ACHE: variants seen among roughly 807,000 people sequenced by gnomAD.
ACHE encodes acetylcholinesterase.
Under a neutral mutation model 53.9 loss-of-function variants are expected in ACHE, and 19 were observed. The observed-to-expected ratio is 0.35, with a 90% CI of 0.25 to 0.52. The LOEUF is 0.52. ACHE is among the 20% of genes least tolerant of loss of function. The pLI is 0.95. For missense variants in ACHE, 605 were observed against 849.4 expected, an observed-to-expected ratio of 0.71 and a Z score of 3.58; for synonymous variants, 392 against 378.1, an observed-to-expected ratio of 1.04 and a Z score of -0.43.
chr7:100,891,479 G>A (rs1034997284), intron 3 of ACHE, 141 bp from the exon 4 acceptor site: 1 of 798,184 alleles, frequency 1.3e-6, no homozygotes, highest in Non-Finnish European at 1.8e-6. Flanking sequence ...TCCAATGTGC[G>A]CGGTCATTGG....
intron 4 of ACHE, 185 bp from the exon 5 acceptor site, chr7:100,890,520 G>A (rs1024272381): frequency 4.2e-6 from 6 of 1,427,548 alleles, no homozygotes; most frequent in African/African-American, 1.4e-5. Flanking sequence ...GGGAGGATGA[G>A]GGCAGAGGCG....
chr7:100,894,087 C>A lies in ACHE; in HGVS notation c.146G>T (p.Arg49Leu). The A allele has an allele frequency of 6.5e-7, 1 of 1,531,754 alleles. No homozygotes were observed. Among genetic ancestry groups the A allele is most frequent in the Non-Finnish European group, 8.8e-7 (1 of 1,140,430 alleles). 94.9% of individuals were successfully genotyped at this position (1,531,754 alleles called of 1,614,324 possible). The change falls in exon 2 of 5, where the codon CGG (arginine) becomes CTG (leucine). Residue 49 changes from arginine (R) to leucine (L), a missense_variant. Arg to Leu is a moderately radical substitution (Grantham distance 102, BLOSUM62 -2). This residue lies in a region of ACHE where 89 missense variants were observed against 78.9 expected (regional missense o/e 1.13). Transcript: ENST00000241069. ...LLVTVRGGRL[R>L]GIRLKTPGGP... Reference sequence around the variant, plus strand: ...CCCGGGGGTCTTCAGGCGAATGCCCCGCAGCCGGCCCCCACGCACCGTCAC... The same window carrying A: ...CCCGGGGGTCTTCAGGCGAATGCCCAGCAGCCGGCCCCCACGCACCGTCAC...
In ACHE at chr7:100,892,299, T is replaced by C. The variant is rs758779224; in HGVS notation, c.1553+35A>G. 1 of 1,480,726 alleles carries C rather than the reference T, an allele frequency of 6.8e-7. No individual in the cohort carries two copies. The highest frequency in any genetic ancestry group is 9.0e-7 in the Non-Finnish European group (1 of 1,111,582). 91.7% of individuals were successfully genotyped at this position (1,480,726 alleles called of 1,614,324 possible). ...TGTGTCCTCCCGCCCCCGACTCCTG[T>C]CCTCCCCAGCCTTCTCTCCCTCTGC... On this transcript the variant is annotated intron_variant, in intron 3 of 4. Transcript: ENST00000241069. This position sits in a 1 kb window ranked among gnomAD's most constrained non-coding sequence, Gnocchi z 5.2.
intron 3 of ACHE, 134 bp from the exon 4 acceptor site, chr7:100,891,472 A>C: frequency 2.3e-6 from 2 of 864,986 alleles, no homozygotes; most frequent in Admixed American, 3.7e-5. Context: ...CACTTTCTCC[A>C]ATGTGCGCGG....
Position 100,893,705 on chromosome 7 carries a change from C to T in ACHE, c.528G>A (p.Val176=). 6 of 1,613,508 alleles carry T rather than the reference C, an allele frequency of 3.7e-6. No individual in the cohort carries two copies. The highest frequency in any genetic ancestry group is 5.1e-6 in the Non-Finnish European group (6 of 1,180,022). The stretch of plus-strand genomic sequence containing the variant: ...CCACCCGGTAGTTCATGGACACCAG[C>T]ACAGTCCTCTCGGCCTGTACCAAGA... ...GRFLVQAERT[V]LVSMNYRVGA... Residue 176 remains valine (V), a synonymous_variant, in exon 2 of 5, where the codon GTG becomes GTA. Coordinates refer to ENST00000241069, the MANE Select transcript of ACHE (RefSeq NM_000665.5).
chr7:100,892,516 G>A lies in ACHE; in HGVS notation c.1371C>T (p.Tyr457=), dbSNP rs774542226. The change falls in exon 3 of 5, where the codon TAC becomes TAT. Residue 457 remains tyrosine, a synonymous_variant. Transcript: ENST00000241069. This position sits in a 1 kb window ranked among gnomAD's most constrained non-coding sequence, Gnocchi z 5.2. The part of the protein sequence containing the change: ...GRLAAQGARV[Y]AYVFEHRAST... The stretch of plus-strand genomic sequence containing the variant: ...AAGCACGGTGTTCAAAGACGTAGGC[G>A]TAGACCCGGGCACCCTGGGCAGCCA... 28 of 1,605,106 alleles carry A rather than the reference G, an allele frequency of 1.7e-5. No homozygotes were observed. The highest frequency in any genetic ancestry group is 1.2e-4 in the African/African-American group (9 of 74,638).
chr7:100,892,579 G>T lies in ACHE; in HGVS notation c.1308C>A (p.His436Gln). Residue 436 changes from histidine (H) to glutamine (Q), a missense_variant, in exon 3 of 5, where the codon CAC becomes CAA. Coordinates refer to ENST00000241069, the MANE Select transcript of ACHE (RefSeq NM_000665.5). This position sits in a 1 kb window ranked among gnomAD's most constrained non-coding sequence, Gnocchi z 5.2. ...REALSDVVGD[H>Q]NVVCPVAQLA... ...GCTGGGCCACGGGGCACACGACATT[G>T]TGGTCGCCCACCACATCGCTCAGGG... 3 of 1,613,306 alleles carry T rather than the reference G, an allele frequency of 1.9e-6. No homozygotes were observed. Among genetic ancestry groups the T allele is most frequent in the Non-Finnish European group, 2.5e-6 (3 of 1,179,864 alleles).
At chr7:100,893,051 C>A in intron 2 of ACHE, 114 bp downstream of exon 2, 1 of 1,309,928 alleles carries the variant, frequency 7.6e-7, no homozygotes. Context: ...GGGAGGACTT[C>A]TGGGACTTCT....
intron 1 of ACHE, among the ~76,000 whole-genome samples, chr7:100,895,006 G>A (rs1430634418): frequency 6.6e-6 from 1 of 152,098 alleles, no homozygotes; most frequent in African/African-American, 2.4e-5. Context: ...TCCCCGCCCC[G>A]AGCCAGGAGC....
rs1359240864 is a variant in ACHE, at chr7:100,893,829, G to T, written c.404C>A (p.Pro135Gln). The change falls in exon 2 of 5, where the codon CCA (proline) becomes CAA (glutamine). Residue 135 changes from proline to glutamine, a missense_variant. Physicochemically the swap from Pro to Gln is moderately conservative, Grantham distance 76. Transcript: ENST00000241069. ...GGTGGGGGATGTAGGCCGGGGGTAT[G>T]GTGTCCACACGTTGAGGTACAGGCA... Reference protein sequence around the residue: ...EDCLYLNVWTPYPRPTSPTPV... With the variant: ...EDCLYLNVWTQYPRPTSPTPV... 1 of 1,612,920 alleles carries T rather than the reference G, an allele frequency of 6.2e-7. No homozygotes were observed. The highest frequency in any genetic ancestry group is 8.5e-7 in the Non-Finnish European group (1 of 1,179,524).
At position 100,892,886 on chromosome 7, in the gene ACHE, T is replaced by C. The variant is rs1790786527; in HGVS notation, c.1069-68A>G. On this transcript the variant is annotated intron_variant, in intron 2 of 4. Coordinates refer to ENST00000241069, the MANE Select transcript of ACHE (RefSeq NM_000665.5). The surrounding 1 kb of genome is among the most constrained non-coding windows in gnomAD (Gnocchi z 5.2). The stretch of plus-strand genomic sequence containing the variant: ...AGACAGACAAGTAGACAGAAACAGA[T>C]GGACAGACAAAGAGCCAGAGAGATG... 6.8e-7 allele frequency: 1 copy of C among 1,472,950 alleles called. No homozygotes were observed. The highest frequency in any genetic ancestry group is 9.0e-7 in the Non-Finnish European group (1 of 1,110,954). 91.2% of individuals were successfully genotyped at this position (1,472,950 alleles called of 1,614,324 possible). A position where few individuals can be genotyped will look rare whatever the true frequency, so the allele number is the denominator to read the frequency against.
intron 4 of ACHE, 59 bp downstream of exon 4, chr7:100,891,110 T>C (rs550669871): frequency 6.4e-7 from 1 of 1,557,438 alleles, no homozygotes; most frequent in South Asian, 1.2e-5. Flanking sequence ...AGAGAGGGGT[T>C]ACACCTGGCG....
At chr7:100,890,522 G>A in intron 4 of ACHE, 187 bp from the exon 5 acceptor site, 1 of 1,427,734 alleles carries the variant, frequency 7.0e-7, no homozygotes, top group Non-Finnish European at 9.2e-7. Context: ...GAGGATGAGG[G>A]CAGAGGCGGG....
At position 100,893,738 on chromosome 7, in the gene ACHE, A is replaced by G. The variant is rs1439438645; in HGVS notation, c.495T>C (p.Asp165=). Residue 165 remains aspartate (D), a synonymous_variant, in exon 2 of 5, where the codon GAT becomes GAC. Transcript: ENST00000241069. ...YSGASSLDVY[D]GRFLVQAERT... ...TCTCGGCCTGTACCAAGAAGCGGCC[A>G]TCGTACACGTCCAAGGAGGAGGCCC... The G allele has an allele frequency of 2.5e-6, 4 of 1,613,682 alleles. No individual in the cohort carries two copies. In the South Asian group the frequency reaches 3.3e-5, roughly 13 times the overall value.
At chr7:100,890,473 G>A in intron 4 of ACHE, 138 bp from the exon 5 acceptor site, 2 of 1,466,454 alleles carry the variant, frequency 1.4e-6, no homozygotes, top group Non-Finnish European at 9.0e-7. Flanking sequence ...ACGTGGGACG[G>A]TGGCAAGAGG....
In ACHE at chr7:100,894,134, G is replaced by A. The variant is rs1437811727; in HGVS notation, c.99C>T (p.Gly33=). ...WLLGGGVGAE[G]REDAELLVTV... The stretch of plus-strand genomic sequence containing the variant: ...TCACCAGCAGCTCTGCATCCTCCCG[G>A]CCCTCAGCCCCCACTCCTCCACCCA... The change falls in exon 2 of 5, where the codon GGC becomes GGT. Residue 33 remains glycine (G), a synonymous_variant. Transcript: ENST00000241069. 6.7e-7 allele frequency: 1 copy of A among 1,490,026 alleles called. No homozygotes were observed. Among genetic ancestry groups the A allele is most frequent in the Non-Finnish European group, 8.9e-7 (1 of 1,125,164 alleles). The allele number at this position is 1,490,026 out of a possible 1,614,324, so 92.3% of individuals were successfully genotyped here.
Position 100,892,850 on chromosome 7 carries a change from G to T in ACHE, c.1069-32C>A. The T allele has an allele frequency of 6.5e-7, 1 of 1,532,500 alleles. No homozygotes were observed. The highest frequency in any genetic ancestry group is 8.8e-7 in the Non-Finnish European group (1 of 1,141,772). 94.9% of individuals were successfully genotyped at this position (1,532,500 alleles called of 1,614,324 possible). A position where few individuals can be genotyped will look rare whatever the true frequency, so the allele number is the denominator to read the frequency against. On this transcript the variant is annotated intron_variant, in intron 2 of 4. Coordinates refer to ENST00000241069, the MANE Select transcript of ACHE (RefSeq NM_000665.5). This position sits in a 1 kb window ranked among gnomAD's most constrained non-coding sequence, Gnocchi z 5.2. ...GTGAGGGAGAGGGGGGTGGGATGGA[G>T]CGACAGGCACAGACAGACAAGTAGA...
chr7:100,894,425 A>C, intron 1 of ACHE, 173 bp from the exon 2 acceptor site: 1 of 477,534 alleles, frequency 2.1e-6, no homozygotes, highest in East Asian at 3.3e-5. Context: ...AGACAAGGAC[A>C]CAGGCCAGCG....
At chr7:100,890,965 C>T in intron 4 of ACHE, 1 of 1,469,024 alleles carries the variant, frequency 6.8e-7, no homozygotes, top group Non-Finnish European at 9.0e-7. Context: ...TGTTCACAGC[C>T]GCCGGAGGTG....
Sources: allele counts gnomAD v4.1 joint callset (sites outside exome capture counted in the v4.1 genomes callset), GRCh38; gene constraint gnomAD v4.1.1; regional missense constraint gnomAD v4.1.1; non-coding constraint Gnocchi (gnomAD v3.1); transcripts MANE v1.5; gene names NCBI Gene and HGNC (gene_info 2026-07-23, HGNC 2026-07-21).